Variants in LGR6 observed in about 807,000 individuals in gnomAD.
The protein encoded by LGR6 is leucine rich repeat containing G protein-coupled receptor 6, also known as leucine-rich repeat-containing G protein-coupled receptor 6.
A neutral mutation model predicts 69.4 loss-of-function variants in LGR6; 45 were observed. The observed-to-expected ratio is 0.65, with a 90% confidence interval of 0.51 to 0.83. The LOEUF (loss-of-function observed/expected upper bound fraction) is 0.83, where lower values mean the gene tolerates loss of function less well. Ranked by LOEUF, LGR6 falls within the 40% of genes least tolerant of loss-of-function variation. LGR6 has a pLI of 0.00. For synonymous variants in LGR6, 538 were observed against 555.0 expected, an observed-to-expected ratio of 0.97 and a Z score of 0.43; for missense variants, 1,108 against 1,246.7, an observed-to-expected ratio of 0.89 and a Z score of 1.68.
intron 4 of LGR6, among the ~76,000 whole-genome samples, chr1:202,253,595 G>A (rs1179173242): frequency 1.4e-5 from 2 of 146,266 alleles, no homozygotes. Flanking sequence ...GAGCCACCGC[G>A]CCTGGCCAAG....
At chr1:202,299,609 G>A (rs1029624288) in intron 7 of LGR6, among the ~76,000 whole-genome samples, 1 of 152,142 alleles carries the variant, frequency 6.6e-6, no homozygotes, top group African/African-American at 2.4e-5. Flanking sequence ...CCCAACATTA[G>A]ACACAAAGAT....
At chr1:202,313,766 C>T (rs1653926040) in intron 16 of LGR6, among the ~76,000 whole-genome samples, 1 of 152,180 alleles carries the variant, frequency 6.6e-6, no homozygotes, top group South Asian at 2.1e-4. Flanking sequence ...TTAATACATT[C>T]ATATAATGTA....
At chr1:202,290,610 C>T (rs776676513) in intron 6 of LGR6, among the ~76,000 whole-genome samples, 14 of 152,210 alleles carry the variant, frequency 9.2e-5, no homozygotes, top group East Asian at 1.9e-4. Context: ...CGGTGGCTCA[C>T]GCCTGTAATC....
chr1:202,248,716 A>G (rs576369957), intron 4 of LGR6, among the ~76,000 whole-genome samples: 8 of 152,348 alleles, frequency 5.3e-5, no homozygotes, highest in Non-Finnish European at 1.2e-4. Context: ...AGAGGACATC[A>G]TTGCTGTCCC....
chr1:202,280,739 G>T, intron 5 of LGR6, 42 bp from the exon 6 acceptor site: 1 of 1,593,094 alleles, frequency 6.3e-7, no homozygotes, highest in South Asian at 1.1e-5. Context: ...TGGCCCCAGT[G>T]CCGTGGGCAC....
chr1:202,212,083 A>G (rs552009614), intron 1 of LGR6, among the ~76,000 whole-genome samples: 1 of 152,166 alleles, frequency 6.6e-6, no homozygotes, highest in Non-Finnish European at 1.5e-5. Flanking sequence ...GGGCAACCAG[A>G]CATGTTCTAG....
At chr1:202,276,628 A>T in intron 5 of LGR6, 107 bp downstream of exon 5, 2 of 921,396 alleles carry the variant, frequency 2.2e-6, no homozygotes, top group Non-Finnish European at 3.3e-6. Flanking sequence ...TCTTCTTTGC[A>T]TGTTGCTAAA....
intron 14 of LGR6, 33 bp from the exon 15 acceptor site, chr1:202,309,018 A>G (rs747978173): frequency 6.2e-7 from 1 of 1,612,056 alleles, no homozygotes; most frequent in Admixed American, 1.7e-5. Context: ...AATCCCACTG[A>G]CTGCCAATAA....
chr1:202,206,740 A>G (rs1336297781), intron 1 of LGR6, among the ~76,000 whole-genome samples: 2 of 152,120 alleles, frequency 1.3e-5, no homozygotes, highest in East Asian at 3.9e-4. Context: ...TTAAAATTAA[A>G]AAACTTAAAA....
rs1553239904 is a variant in LGR6 at position 202,215,018 on chromosome 1, T to TGC, written c.213-10404_213-10403insCG. ...GTGTGTGTGTGTGTGTGTGTGTGTGTGTGCGCGCGCGCGCGTTGGTGAGTT... is the reference window on the plus strand; with the variant it reads ...GTGTGTGTGTGTGTGTGTGTGTGTGTGCGTGCGCGCGCGCGCGTTGGTGAGTT... On this transcript the variant is annotated intron_variant, in intron 1 of 17. Transcript: ENST00000367278. Among the ~76,000 whole-genome samples the TGC allele has an allele frequency of 5.8e-3, 856 of 146,664 alleles. 11 individuals are homozygous for TGC. Among genetic ancestry groups the TGC allele is most frequent in the African/African-American group, 0.019 (744 of 38,344 alleles).
chr1:202,230,720 C>T (rs908142945), intron 3 of LGR6, among the ~76,000 whole-genome samples: 1 of 152,222 alleles, frequency 6.6e-6, no homozygotes, highest in Non-Finnish European at 1.5e-5. Flanking sequence ...AGGTTTCTTT[C>T]CCCAGAGCTG....
Position 202,193,836 on chromosome 1 carries a change from C to T in LGR6, c.-154C>T, listed in dbSNP as rs973425226. The T allele has an allele frequency of 3.1e-5, 10 of 322,666 alleles. No individual in the cohort carries two copies. The highest frequency in any genetic ancestry group is 1.8e-4 in the African/African-American group (8 of 45,656). 20.0% of individuals were successfully genotyped at this position (322,666 alleles called of 1,614,324 possible). A position where few individuals can be genotyped will look rare whatever the true frequency, so the allele number is the denominator to read the frequency against. ...CTGCCCCTCTCTGACTGCACCGTCCCGGCGCTCCCACCGCCGCCGCCGCCG... is the reference window on the plus strand; with the variant it reads ...CTGCCCCTCTCTGACTGCACCGTCCTGGCGCTCCCACCGCCGCCGCCGCCG... On this transcript the variant is annotated 5_prime_UTR_variant, in exon 1 of 18. Transcript: ENST00000367278.
At chr1:202,305,938 G>C (rs1653143887) in intron 12 of LGR6, among the ~76,000 whole-genome samples, 189 bp downstream of exon 12, 1 of 152,158 alleles carries the variant, frequency 6.6e-6, no homozygotes, top group African/African-American at 2.4e-5. Context: ...AATGGCCCTA[G>C]GACTCACAGC....
chr1:202,286,318 C>G (rs1442509901), intron 6 of LGR6, among the ~76,000 whole-genome samples: 1 of 152,208 alleles, frequency 6.6e-6, no homozygotes, highest in East Asian at 1.9e-4. Flanking sequence ...GCCTTCATAT[C>G]TCAAGGTAAG....
chr1:202,196,321 T>C (rs956512388), intron 1 of LGR6, among the ~76,000 whole-genome samples: 5 of 152,090 alleles, frequency 3.3e-5, no homozygotes, highest in Non-Finnish European at 7.4e-5. Flanking sequence ...GGAGAACAGC[T>C]CTACCAGAAA....
chr1:202,254,913 AAAGG>A (rs1467140760), intron 4 of LGR6, among the ~76,000 whole-genome samples: 1 of 152,022 alleles, frequency 6.6e-6, no homozygotes, highest in Non-Finnish European at 1.5e-5. Context: ...AAAAAAAAAA[AAAGG>A]AAAGAGAAAA....
At chr1:202,313,727 A>G (rs2148310896) in intron 16 of LGR6, among the ~76,000 whole-genome samples, 1 of 152,328 alleles carries the variant, frequency 6.6e-6, no homozygotes, top group East Asian at 1.9e-4. Flanking sequence ...TACATAATAA[A>G]TGTATGTATG....
At chr1:202,207,948 G>T (rs1659316956) in intron 1 of LGR6, among the ~76,000 whole-genome samples, 1 of 152,176 alleles carries the variant, frequency 6.6e-6, no homozygotes, top group Non-Finnish European at 1.5e-5. Flanking sequence ...CAGAGTCCCT[G>T]GTCCAGCTGT....
At chr1:202,290,765 G>A (rs1666738092) in intron 6 of LGR6, among the ~76,000 whole-genome samples, 1 of 152,228 alleles carries the variant, frequency 6.6e-6, no homozygotes, top group Admixed American at 6.5e-5. Context: ...TTGGGAGGCT[G>A]AGGCAGGAGA....
Sources: allele counts gnomAD v4.1 joint callset (sites outside exome capture counted in the v4.1 genomes callset), GRCh38; gene constraint gnomAD v4.1.1; transcripts MANE v1.5; gene names NCBI Gene and HGNC (gene_info 2026-07-23, HGNC 2026-07-21).